The following SNX6 variants were observed in gnomAD, a reference collection of about 807,000 sequenced individuals.
The protein encoded by SNX6 is sorting nexin 6.
Under a neutral mutation model 63.0 loss-of-function variants are expected in SNX6, and 34 were observed. That is an observed-to-expected ratio of 0.54 (90% CI 0.41 to 0.72). SNX6 has a LOEUF of 0.72. Among genes scored for constraint, SNX6 ranks in the 30% least tolerant of loss-of-function variants. The probability of loss-of-function intolerance (pLI) is 0.00; values close to 1 mark genes in which losing one functional copy is unlikely to be tolerated. For synonymous variants in SNX6, 170 were observed against 164.2 expected (o/e 1.04, Z -0.27); for missense variants, 398 against 471.4 (o/e 0.84, Z 1.44).
chr14:34,564,962 T>C (rs961693191), intron 13 of SNX6, among the ~76,000 whole-genome samples: 2 of 152,028 alleles, frequency 1.3e-5, no homozygotes, highest in East Asian at 1.9e-4. Flanking sequence ...ATTATGCTAC[T>C]ACATAAAAGC....
intron 2 of SNX6, among the ~76,000 whole-genome samples, chr14:34,626,643 T>C (rs1883837673): frequency 8.0e-6 from 1 of 125,146 alleles, no homozygotes; most frequent in African/African-American, 3.3e-5. Flanking sequence ...CACTCCAGCC[T>C]GGGCAACAGA....
At chr14:34,594,139 A>G (rs1882509126) in intron 7 of SNX6, among the ~76,000 whole-genome samples, 2 of 152,106 alleles carry the variant, frequency 1.3e-5, no homozygotes, top group South Asian at 4.1e-4. Context: ...GAAAAAGAAA[A>G]CAGTTCTGGT....
chr14:34,590,920 C>T (rs1261325623), intron 8 of SNX6, among the ~76,000 whole-genome samples: 1 of 152,168 alleles, frequency 6.6e-6, no homozygotes, highest in East Asian at 1.9e-4. Context: ...ATATACACAA[C>T]AACTTGGATG....
intron 2 of SNX6, among the ~76,000 whole-genome samples, chr14:34,621,951 CTT>C (rs1037764907): frequency 2.6e-5 from 2 of 77,406 alleles, no homozygotes; most frequent in African/African-American, 1.2e-4. Flanking sequence ...CATGTCTTTC[CTT>C]TTTTTTTTTT....
intron 9 of SNX6, 41 bp from the exon 10 acceptor site, chr14:34,581,641 T>C (rs1322663703): frequency 1.6e-6 from 2 of 1,245,844 alleles, no homozygotes; most frequent in Non-Finnish European, 2.3e-6. Context: ...ACATTCAAAG[T>C]AATTTTCCAT....
intron 2 of SNX6, among the ~76,000 whole-genome samples, chr14:34,617,035 T>C (rs1352798970): frequency 2.6e-5 from 4 of 152,058 alleles, no homozygotes; most frequent in Non-Finnish European, 5.9e-5. Flanking sequence ...TGAGCCGAGA[T>C]CGCACCACTG....
chr14:34,617,563 G>C (rs575006577), intron 2 of SNX6, among the ~76,000 whole-genome samples: 159 of 135,146 alleles, frequency 1.2e-3, no homozygotes, highest in African/African-American at 4.3e-3. Context: ...GGCTGTGATT[G>C]TGCCACTGCA....
chr14:34,629,471 G>A (rs1354588510), intron 2 of SNX6: 1 of 472,196 alleles, frequency 2.1e-6, no homozygotes, highest in Non-Finnish European at 4.2e-6. Flanking sequence ...TACTATTTGA[G>A]AGAGACAGAA....
chr14:34,598,667 G>A (rs1049844017), intron 6 of SNX6, among the ~76,000 whole-genome samples: 1 of 152,182 alleles, frequency 6.6e-6, no homozygotes, highest in African/African-American at 2.4e-5. Flanking sequence ...ACAGGCATGA[G>A]CCATCACGAC....
In SNX6 at chr14:34,568,031, T is replaced by C. The variant is rs1422011395; in HGVS notation, c.922-18A>G. 6.2e-7 allele frequency: 1 copy of C among 1,606,542 alleles called. No homozygotes were observed. ...AGGAGATCCTATAAAACAGAATGCT[T>C]CACAATAGTATATATACTGCATGTT... On this transcript the variant is annotated intron_variant, in intron 11 of 13. Transcript: ENST00000362031.
At chr14:34,563,571 ATAAG>A (rs1881029353) in intron 13 of SNX6, among the ~76,000 whole-genome samples, 10 of 147,230 alleles carry the variant, frequency 6.8e-5, no homozygotes, top group African/African-American at 1.4e-4. Context: ...AAAAAAAAAA[ATAAG>A]AAAAAAAAAA....
chr14:34,609,718 G>C lies in SNX6; in HGVS notation c.79C>G (p.Gln27Glu). The C allele has an allele frequency of 6.2e-7, 1 of 1,611,694 alleles. No homozygotes were observed. The highest frequency in any genetic ancestry group is 8.5e-7 in the Non-Finnish European group (1 of 1,178,436). The stretch of plus-strand genomic sequence containing the variant: ...TCCACCTGCAGAGCAGCATCACTTT[G>C]AAGATCTACATTTATTGCTTTAAGC... The part of the protein sequence containing the change: ...RGLKAINVDL[Q>E]SDAALQVDIS... Residue 27 changes from glutamine to glutamate, a missense_variant, in exon 3 of 14, where the codon CAA (glutamine) becomes GAA (glutamate). Physicochemically the swap from Gln to Glu is conservative, Grantham distance 29. Coordinates refer to ENST00000362031, the MANE Select transcript of SNX6 (RefSeq NM_152233.4).
intron 9 of SNX6, among the ~76,000 whole-genome samples, chr14:34,582,118 C>T (rs1199754726): frequency 4.7e-5 from 7 of 149,930 alleles, no homozygotes; most frequent in African/African-American, 1.2e-4. Context: ...TGAGCCACCA[C>T]GCCCGGCCCT....
At chr14:34,617,111 C>G (rs552005046) in intron 2 of SNX6, among the ~76,000 whole-genome samples, 29 of 151,320 alleles carry the variant, frequency 1.9e-4, no homozygotes, top group African/African-American at 7.1e-4. Context: ...CTTTCTGTAA[C>G]TAGTGAGTTC....
intron 8 of SNX6, among the ~76,000 whole-genome samples, chr14:34,587,875 G>GCACAA: frequency 6.7e-6 from 1 of 148,960 alleles, no homozygotes; most frequent in Admixed American, 6.7e-5. Flanking sequence ...CAGTGGTGGG[G>GCACAA]TCTTGGCTCA....
intron 6 of SNX6, among the ~76,000 whole-genome samples, chr14:34,600,685 G>A (rs1882775892): frequency 6.6e-6 from 1 of 152,112 alleles, no homozygotes; most frequent in Admixed American, 6.6e-5. Flanking sequence ...TCCAAGATTT[G>A]TATCAGTCAT....
intron 11 of SNX6, among the ~76,000 whole-genome samples, chr14:34,573,217 A>AT (rs1349957373): frequency 1.3e-5 from 2 of 151,954 alleles, no homozygotes; most frequent in Non-Finnish European, 2.9e-5. Flanking sequence ...GCCTCATGTG[A>AT]TTTTCCCACA....
chr14:34,617,748 C>T (rs887388335), intron 2 of SNX6, among the ~76,000 whole-genome samples: 10 of 151,794 alleles, frequency 6.6e-5, no homozygotes, highest in African/African-American at 1.9e-4. Context: ...GGTGAAACCC[C>T]GTCTCTACTA....
At chr14:34,619,445 T>TAGAG (rs368306371) in intron 2 of SNX6, among the ~76,000 whole-genome samples, 28 of 148,128 alleles carry the variant, frequency 1.9e-4, no homozygotes, top group African/African-American at 5.0e-4. Context: ...TATATATATT[T>TAGAG]AGAGAGAGAG....
Sources: gnomAD v4.1 joint callset for allele counts (sites outside exome capture counted in the v4.1 genomes callset) on GRCh38, gnomAD v4.1.1 for gene constraint, MANE v1.5 for transcripts, NCBI Gene and HGNC (gene_info 2026-07-23, HGNC 2026-07-21) for gene names.